MYO3B: variants seen among roughly 807,000 people sequenced by gnomAD.
MYO3B encodes the protein myosin-IIIb.
MYO3B carries 156 observed loss-of-function variants against 174.6 expected under a neutral mutation model. The ratio of observed to expected loss-of-function variants is 0.89; its 90% CI spans 0.78 to 1.02. The LOEUF (loss-of-function observed/expected upper bound fraction) is 1.02, where lower values mean the gene tolerates loss of function less well. Ranked by LOEUF, MYO3B falls within the 50% of genes least tolerant of loss-of-function variation. The probability of loss-of-function intolerance (pLI) is 0.00; values close to 1 mark genes in which losing one functional copy is unlikely to be tolerated. For synonymous variants in MYO3B, 563 were observed against 569.1 expected (o/e 0.99, Z 0.15); for missense variants, 1,632 against 1,639.4 (o/e 1.00, Z 0.08).
chr2:170,577,831 G>T (rs2106293676), intron 32 of MYO3B, among the ~76,000 whole-genome samples: 1 of 152,292 alleles, frequency 6.6e-6, no homozygotes, highest in East Asian at 1.9e-4. Flanking sequence ...ACTGCCCGGA[G>T]CTCCTTCACA....
At position 170,407,252 on chromosome 2, in the gene MYO3B, G is replaced by A. The variant is rs1158424544; in HGVS notation, c.2521-463G>A. ...CGAGGCGGGTGGATCACGAGGTCAG[G>A]AGATCAAGACCATCCTGGCTAACAC... On this transcript the variant is annotated intron_variant, in intron 21 of 34. Transcript: ENST00000408978. Among the ~76,000 whole-genome samples the A allele has an allele frequency of 2.6e-5, 4 of 151,018 alleles. No individual in the cohort carries two copies. In the East Asian group the frequency reaches 5.8e-4, roughly 22 times the overall value.
intron 32 of MYO3B, among the ~76,000 whole-genome samples, chr2:170,635,842 A>G (rs993887345): frequency 5.9e-5 from 9 of 152,210 alleles, no homozygotes; most frequent in African/African-American, 1.9e-4. Context: ...AATTTAATCA[A>G]TAATGTAAAC....
Position 170,651,684 on chromosome 2 carries a change from C to T in MYO3B, c.3790C>T (p.Pro1264Ser). The T allele has an allele frequency of 6.2e-7, 1 of 1,613,898 alleles. No homozygotes were observed. Among genetic ancestry groups the T allele is most frequent in the Non-Finnish European group, 8.5e-7 (1 of 1,179,974 alleles). Reference protein sequence around the residue: ...HRTPRRRCQQPKMLSSPEDTM... With the variant: ...HRTPRRRCQQSKMLSSPEDTM... ...AACACCTCGCCGACGATGTCAGCAG[C>T]CCAAAATGCTGAGTAGCCCTGAGGA... is the stretch of plus-strand genomic sequence containing the variant. The change falls in exon 33 of 35, where the codon CCC becomes TCC. Residue 1264 changes from proline (P) to serine (S), a missense_variant. Transcript: ENST00000408978.
At chr2:170,216,235 A>G (rs142933358) in intron 5 of MYO3B, among the ~76,000 whole-genome samples, 248 of 152,332 alleles carry the variant, frequency 1.6e-3, no homozygotes, top group African/African-American at 5.4e-3. Flanking sequence ...TTTGTCATCA[A>G]TGACATTAGT....
intron 22 of MYO3B, among the ~76,000 whole-genome samples, chr2:170,431,528 T>C (rs1212968116): frequency 6.6e-6 from 1 of 152,236 alleles, no homozygotes; most frequent in African/African-American, 2.4e-5. Context: ...AGCTGTAGTT[T>C]ATATTCTAAA....
intron 32 of MYO3B, chr2:170,643,955 T>C (rs1698172925): frequency 6.6e-6 from 1 of 152,114 alleles, no homozygotes; most frequent in African/African-American, 2.4e-5. Context: ...CTGTAGCAGG[T>C]GATGAAAATG....
intron 23 of MYO3B, among the ~76,000 whole-genome samples, chr2:170,454,073 C>T (rs552287289): frequency 1.3e-5 from 2 of 152,322 alleles, no homozygotes; most frequent in African/African-American, 2.4e-5. Flanking sequence ...CGCATACAAA[C>T]ACACACACAA....
rs919125266 is a variant in MYO3B, at chr2:170,645,692, T to TAACA, written c.3734-5934_3734-5931dup. 1.9e-3 allele frequency among the ~76,000 whole-genome samples: 296 copies of TAACA among 152,308 alleles called. 1 individual carries two copies. The highest frequency in any genetic ancestry group is 7.0e-3 in the African/African-American group (291 of 41,572). On this transcript the variant is annotated intron_variant, in intron 32 of 34. Coordinates refer to ENST00000408978, the MANE Select transcript of MYO3B (RefSeq NM_138995.5). ...TACTTTCTTCATATATGCAAAGAAC[T>TAACA]AACAATTTTGGTACTATGTGCCTTA...
intron 28 of MYO3B, among the ~76,000 whole-genome samples, chr2:170,512,098 A>G (rs1004918149): frequency 2.0e-5 from 3 of 152,210 alleles, no homozygotes; most frequent in Admixed American, 1.3e-4. Flanking sequence ...TTTGAACTCA[A>G]AGTTTAACTG....
chr2:170,476,159 G>A (rs755692307), intron 25 of MYO3B, among the ~76,000 whole-genome samples: 66 of 152,326 alleles, frequency 4.3e-4, no homozygotes, highest in African/African-American at 1.5e-3. Flanking sequence ...AGGGGAGCAC[G>A]TGGATGGACA....
intron 25 of MYO3B, among the ~76,000 whole-genome samples, chr2:170,491,609 T>G (rs928807799): frequency 6.6e-6 from 1 of 152,174 alleles, no homozygotes; most frequent in Non-Finnish European, 1.5e-5. Context: ...GTATTTTTAG[T>G]AGAGACGGGG....
chr2:170,481,668 G>A (rs1685697292), intron 25 of MYO3B, among the ~76,000 whole-genome samples: 1 of 152,132 alleles, frequency 6.6e-6, no homozygotes, highest in Non-Finnish European at 1.5e-5. Flanking sequence ...TAATTAGGGA[G>A]GATGACAGCT....
At chr2:170,456,618 G>A (rs995341303) in intron 23 of MYO3B, among the ~76,000 whole-genome samples, 2 of 152,186 alleles carry the variant, frequency 1.3e-5, no homozygotes, top group Non-Finnish European at 2.9e-5. Context: ...TCCTTGCTGA[G>A]TTGCATGGTA....
chr2:170,210,556 A>G (rs7584516), intron 3 of MYO3B, among the ~76,000 whole-genome samples: 58,665 of 152,070 alleles, frequency 0.39, 11,517 homozygotes, highest in Admixed American at 0.5. Context: ...CTTCCAACAT[A>G]ATTAAGGGTG....
chr2:170,401,484 C>T lies in MYO3B; in HGVS notation c.1922C>T (p.Ala641Val). Residue 641 changes from alanine to valine, a missense_variant, in exon 18 of 35, where the codon GCC becomes GTC. Physicochemically the swap from Ala to Val is moderately conservative, Grantham distance 64 (BLOSUM62 0). Coordinates refer to ENST00000408978, the MANE Select transcript of MYO3B (RefSeq NM_138995.5). ...VPNAEALQNA[A>V]SVLCISPEEL... is the part of the protein sequence containing the mutation. Reference sequence around the variant, plus strand: ...TTATCCTTACTCTTTGTTTCAGCTGCCTCTGTTCTGTGCATTAGCCCTGAA... The same window carrying T: ...TTATCCTTACTCTTTGTTTCAGCTGTCTCTGTTCTGTGCATTAGCCCTGAA... 6.2e-7 allele frequency: 1 copy of T among 1,614,068 alleles called. No individual in the cohort carries two copies. The highest frequency in any genetic ancestry group is 8.5e-7 in the Non-Finnish European group (1 of 1,179,952).
At chr2:170,369,419 A>G (rs1425103003) in intron 9 of MYO3B, 42 bp downstream of exon 9, 2 of 1,580,750 alleles carry the variant, frequency 1.3e-6, no homozygotes, top group Non-Finnish European at 1.7e-6. Flanking sequence ...GGTTGTTTAT[A>G]AAAATGTCAT....
intron 22 of MYO3B, among the ~76,000 whole-genome samples, chr2:170,408,818 T>C (rs2094527586): frequency 6.6e-6 from 1 of 150,590 alleles, no homozygotes. Context: ...GAAGGAAAGT[T>C]GAAATCCGGC....
At chr2:170,178,394 G>T in intron 1 of MYO3B, 105 bp downstream of exon 1, 1 of 1,402,392 alleles carries the variant, frequency 7.1e-7, no homozygotes. Flanking sequence ...AGTGGAGGGG[G>T]ATGACAGCCA....
At chr2:170,294,883 G>T (rs1054481346) in intron 7 of MYO3B, among the ~76,000 whole-genome samples, 6 of 151,932 alleles carry the variant, frequency 3.9e-5, no homozygotes, top group Admixed American at 3.9e-4. Flanking sequence ...TATAAAGTAG[G>T]GGATATATGA....
Sources: gnomAD v4.1 joint callset for allele counts (sites outside exome capture counted in the v4.1 genomes callset) on GRCh38, gnomAD v4.1.1 for gene constraint, MANE v1.5 for transcripts, NCBI Gene and HGNC (gene_info 2026-07-23, HGNC 2026-07-21) for gene names.